Variants in JPH1 observed in about 807,000 individuals in gnomAD.
The protein encoded by JPH1 is junctophilin 1.
JPH1 carries 12 observed loss-of-function variants against 53.6 expected under a neutral mutation model. The observed-to-expected ratio is 0.22, with a 90% CI of 0.14 to 0.36. JPH1 has a LOEUF of 0.36. JPH1 is among the 10% of genes least tolerant of loss of function. The probability of loss-of-function intolerance (pLI) is 1.00; values close to 1 mark genes in which losing one functional copy is unlikely to be tolerated. For synonymous variants in JPH1, 375 were observed against 363.8 expected (o/e 1.03, Z -0.35); for missense variants, 808 against 905.5 (o/e 0.89, Z 1.38).
intron 2 of JPH1, among the ~76,000 whole-genome samples, chr8:74,273,821 A>T (rs1388197887): frequency 6.6e-6 from 1 of 152,152 alleles, no homozygotes; most frequent in East Asian, 1.9e-4. Context: ...GAGTGATTTA[A>T]CCAGTCTTCT....
Position 74,321,521 on chromosome 8 carries a change from G to C in JPH1, c.-234C>G. ...CTCCTCCTTCGCCGCCGCCGCCTGG[G>C]CCAGCGCCGCGCGCGAGAGGACAGC... On this transcript the variant is annotated 5_prime_UTR_variant, in exon 1 of 6. Coordinates refer to ENST00000342232, the MANE Select transcript of JPH1 (RefSeq NM_020647.4). This position sits in a 1 kb window ranked among gnomAD's most constrained non-coding sequence, Gnocchi z 4.3. 2.3e-6 allele frequency: 1 copy of C among 441,456 alleles called. No homozygotes were observed. The highest frequency in any genetic ancestry group is 4.5e-5 in the Admixed American group (1 of 22,028). 27.3% of individuals were successfully genotyped at this position (441,456 alleles called of 1,614,324 possible). A position where few individuals can be genotyped will look rare whatever the true frequency, so the allele number is the denominator to read the frequency against.
intron 2 of JPH1, among the ~76,000 whole-genome samples, chr8:74,274,504 G>A (rs1806793155): frequency 6.6e-6 from 1 of 152,148 alleles, no homozygotes. Context: ...AGATGTGGAC[G>A]TTCTAAGAAC....
chr8:74,294,232 C>T (rs1172062334), intron 2 of JPH1, among the ~76,000 whole-genome samples: 1 of 152,168 alleles, frequency 6.6e-6, no homozygotes, highest in Non-Finnish European at 1.5e-5. Context: ...ATAAAGTTCC[C>T]CACGTGCCAC....
chr8:74,239,804 G>C, intron 4 of JPH1, among the ~76,000 whole-genome samples: 1 of 152,120 alleles, frequency 6.6e-6, no homozygotes, highest in East Asian at 1.9e-4. Context: ...TGCTCTAAAA[G>C]TTTCAGATTC....
chr8:74,269,105 G>A (rs1806622638), intron 2 of JPH1, among the ~76,000 whole-genome samples: 1 of 152,178 alleles, frequency 6.6e-6, no homozygotes, highest in Admixed American at 6.6e-5. Context: ...TATCTAAAAT[G>A]GTTCTCTAGA....
rs1290300135 is a variant in JPH1 at position 74,314,987 on chromosome 8, C to T, written c.1013G>A (p.Arg338His). Residue 338 changes from arginine to histidine, a missense_variant, in exon 2 of 6, where the codon CGT (arginine) becomes CAT (histidine). This residue lies in a region of JPH1 where 756 missense variants were observed against 811.9 expected (regional missense o/e 0.93). Transcript: ENST00000342232. ...TGGTATAAGCTGCTTCCTTATCCCA[C>T]GGACCAGAATATTATTTTTGTATTT... ...EGKYKNNILV[R>H]GIRKQLIPIR... 1.2e-6 allele frequency: 2 copies of T among 1,614,216 alleles called. No individual in the cohort carries two copies. Among genetic ancestry groups the T allele is most frequent in the Non-Finnish European group, 1.7e-6 (2 of 1,180,040 alleles).
At chr8:74,319,178 T>C (rs1285738655) in intron 1 of JPH1, among the ~76,000 whole-genome samples, 1 of 152,206 alleles carries the variant, frequency 6.6e-6, no homozygotes, top group Non-Finnish European at 1.5e-5. Context: ...TTTTGATTAC[T>C]AGGTATAATG....
In JPH1 at chr8:74,234,896, G is replaced by A. The variant is rs1806953426; in HGVS notation, c.*2155C>T. ...CTTCATGTGCTGTCCAAAATGTTGA[G>A]TACAGTATAACAACCCATTAGAAAG... On this transcript the variant is annotated 3_prime_UTR_variant, in exon 6 of 6. Coordinates refer to ENST00000342232, the MANE Select transcript of JPH1 (RefSeq NM_020647.4). 2.0e-5 allele frequency: 3 copies of A among 152,538 alleles called. No homozygotes were observed. In the South Asian group the frequency reaches 6.2e-4, roughly 32 times the overall value. 9.4% of individuals were successfully genotyped at this position (152,538 alleles called of 1,614,324 possible).
chr8:74,316,920 T>C (rs1037403315), intron 1 of JPH1, among the ~76,000 whole-genome samples: 24 of 152,358 alleles, frequency 1.6e-4, no homozygotes, highest in African/African-American at 5.8e-4. Context: ...AGAAGCTATC[T>C]GGAAAATTTA....
chr8:74,283,332 T>C (rs1287681312), intron 2 of JPH1, among the ~76,000 whole-genome samples: 3 of 152,042 alleles, frequency 2.0e-5, no homozygotes, highest in African/African-American at 7.2e-5. Flanking sequence ...ATTAAAAATA[T>C]AGAAAACAAC....
At chr8:74,292,755 CA>C in intron 2 of JPH1, among the ~76,000 whole-genome samples, 1 of 152,140 alleles carries the variant, frequency 6.6e-6, no homozygotes, top group East Asian at 1.9e-4. Context: ...ACAGGTTGAT[CA>C]AAGCCATATG....
chr8:74,278,111 G>A (rs190959273), intron 2 of JPH1, among the ~76,000 whole-genome samples: 7 of 152,140 alleles, frequency 4.6e-5, no homozygotes, highest in Non-Finnish European at 7.4e-5. Flanking sequence ...CTTGAATTCC[G>A]ATGTGTTGTG....
At chr8:74,263,621 T>C (rs1383286358) in intron 2 of JPH1, among the ~76,000 whole-genome samples, 2 of 152,012 alleles carry the variant, frequency 1.3e-5, no homozygotes, top group Non-Finnish European at 2.9e-5. Context: ...ACCTTCGGAG[T>C]ATATTCCCCC....
At chr8:74,266,905 G>T (rs1361560891) in intron 2 of JPH1, among the ~76,000 whole-genome samples, 1 of 152,152 alleles carries the variant, frequency 6.6e-6, no homozygotes, top group Non-Finnish European at 1.5e-5. Flanking sequence ...TAAGGAAAGA[G>T]GTGTCAGAAC....
chr8:74,318,357 A>G (rs1808220225), intron 1 of JPH1, among the ~76,000 whole-genome samples: 1 of 152,240 alleles, frequency 6.6e-6, no homozygotes, highest in East Asian at 1.9e-4. Flanking sequence ...TTTGCACTGC[A>G]CTATGCCAAA....
intron 2 of JPH1, among the ~76,000 whole-genome samples, chr8:74,304,093 G>A (rs187257538): frequency 5.0e-4 from 76 of 152,290 alleles, no homozygotes; most frequent in African/African-American, 1.8e-3. Context: ...GCAGACACCT[G>A]CCTCCAGCCC....
At chr8:74,260,367 AATG>A (rs1261964729) in intron 2 of JPH1, among the ~76,000 whole-genome samples, 4 of 152,126 alleles carry the variant, frequency 2.6e-5, no homozygotes, top group African/African-American at 9.7e-5. Flanking sequence ...TGCACCAGGG[AATG>A]ATGTCTACTG....
chr8:74,269,819 C>A (rs1806646040), intron 2 of JPH1, among the ~76,000 whole-genome samples: 2 of 152,168 alleles, frequency 1.3e-5, no homozygotes, highest in African/African-American at 4.8e-5. Context: ...GGTCTCCTAA[C>A]CTTTAGGATG....
intron 2 of JPH1, among the ~76,000 whole-genome samples, chr8:74,284,483 C>T (rs956311192): frequency 2.0e-5 from 3 of 151,892 alleles, no homozygotes; most frequent in Admixed American, 6.6e-5. Flanking sequence ...CACCGGTGCA[C>T]GGTGACAACT....
Sources: gnomAD v4.1 joint callset for allele counts (sites outside exome capture counted in the v4.1 genomes callset) on GRCh38, gnomAD v4.1.1 for gene constraint, gnomAD v4.1.1 regional missense constraint, Gnocchi (gnomAD v3.1) non-coding constraint, MANE v1.5 for transcripts, NCBI Gene and HGNC (gene_info 2026-07-23, HGNC 2026-07-21) for gene names.